The following MINDY3 variants were observed in gnomAD, a reference collection of about 807,000 sequenced individuals.
MINDY3 encodes the protein MINDY lysine 48 deubiquitinase 3, also known as ubiquitin carboxyl-terminal hydrolase MINDY-3.
MINDY3 carries 38 observed loss-of-function variants against 69.2 expected under a neutral mutation model. The ratio of observed to expected loss-of-function variants is 0.55; its 90% confidence interval spans 0.42 to 0.72. The LOEUF (loss-of-function observed/expected upper bound fraction) is 0.72. Among genes scored for constraint, MINDY3 ranks in the 30% least tolerant of loss-of-function variants. The pLI, the probability that MINDY3 is intolerant of heterozygous loss-of-function variation, is 0.00. For synonymous variants in MINDY3, 192 were observed against 180.1 expected (o/e 1.07, Z -0.53); for missense variants, 522 against 519.0 (o/e 1.01, Z -0.06).
At chr10:15,782,365 T>C in intron 13 of MINDY3, 139 bp from the exon 14 acceptor site, 1 of 616,374 alleles carries the variant, frequency 1.6e-6, no homozygotes. Context: ...GGAACTTAGG[T>C]TTATGGAGTT....
intron 5 of MINDY3, chr10:15,837,835 C>T: frequency 2.0e-5 from 19 of 970,282 alleles, no homozygotes; most frequent in Non-Finnish European, 2.1e-5. Context: ...AGTTTAAATG[C>T]TCTAACAAAA....
chr10:15,793,659 ATCTAGTCTTGGT>A (rs1190897851), intron 11 of MINDY3, among the ~76,000 whole-genome samples: 3 of 152,114 alleles, frequency 2.0e-5, no homozygotes, highest in South Asian at 2.1e-4. Flanking sequence ...AACACTTAAA[ATCTAGTCTTGGT>A]TCTCACATTT....
intron 8 of MINDY3, among the ~76,000 whole-genome samples, chr10:15,832,742 T>C (rs1034198514): frequency 2.0e-5 from 3 of 152,222 alleles, no homozygotes; most frequent in African/African-American, 7.2e-5. Context: ...TTCTGAAGTT[T>C]TAATTTTACT....
At chr10:15,816,808 T>C (rs967515853) in intron 10 of MINDY3, 27 bp downstream of exon 10, 1 of 1,514,980 alleles carries the variant, frequency 6.6e-7, no homozygotes, top group Non-Finnish European at 9.1e-7. Flanking sequence ...TGTCATAACT[T>C]AAAAAAAAAT....
intron 2 of MINDY3, among the ~76,000 whole-genome samples, chr10:15,846,974 T>C (rs762388946): frequency 6.6e-6 from 1 of 152,108 alleles, no homozygotes; most frequent in Non-Finnish European, 1.5e-5. Context: ...CCACCCACCT[T>C]GGCCTCCCAA....
At chr10:15,817,412 G>C (rs536527072) in intron 9 of MINDY3, 2 of 152,906 alleles carry the variant, frequency 1.3e-5, no homozygotes, top group South Asian at 2.1e-4. Flanking sequence ...GTATGTAAGT[G>C]TCCTGTTATT....
chr10:15,833,571 C>T (rs1404923230), intron 8 of MINDY3, 59 bp downstream of exon 8: 13 of 1,070,966 alleles, frequency 1.2e-5, no homozygotes, highest in Admixed American at 1.7e-5. Context: ...TAATAATCAG[C>T]TGTATTCCAA....
chr10:15,820,484 G>C (rs1381048796), intron 9 of MINDY3, among the ~76,000 whole-genome samples: 1 of 152,066 alleles, frequency 6.6e-6, no homozygotes, highest in East Asian at 1.9e-4. Context: ...ACTTTCTTTA[G>C]GATCTACGAA....
chr10:15,841,363 T>G, intron 4 of MINDY3, 63 bp downstream of exon 4: 1 of 1,306,634 alleles, frequency 7.7e-7, no homozygotes, highest in East Asian at 2.5e-5. Context: ...TTCAAAATAT[T>G]CAATAGATTC....
Position 15,779,039 on chromosome 10 carries a change from A to G in MINDY3, c.1291T>C (p.Tyr431His), listed in dbSNP as rs1475271330. Residue 431 changes from tyrosine (Y) to histidine (H), a missense_variant, in exon 15 of 15, where the codon TAC becomes CAC. Tyr to His is a moderately conservative substitution (Grantham distance 83, BLOSUM62 2). Transcript: ENST00000277632. Reference protein sequence around the residue: ...IKRCLQTKWPYIELLWTTDRS... With the variant: ...IKRCLQTKWPHIELLWTTDRS... Reference sequence around the variant, plus strand: ...TCTGTGGTCCAGAGTAACTCAATGTATGGCCATTTGGTTTGCAGACAGCGT... The same window carrying G: ...TCTGTGGTCCAGAGTAACTCAATGTGTGGCCATTTGGTTTGCAGACAGCGT... The G allele has an allele frequency of 1.9e-6, 3 of 1,613,482 alleles. No homozygotes were observed. Among genetic ancestry groups the G allele is most frequent in the East Asian group, 2.2e-5 (1 of 44,846 alleles).
In MINDY3 at chr10:15,786,730, T is replaced by A; in HGVS notation, c.1029-82A>T. On this transcript the variant is annotated intron_variant, in intron 12 of 14. Coordinates refer to ENST00000277632, the MANE Select transcript of MINDY3 (RefSeq NM_024948.4). The stretch of plus-strand genomic sequence containing the variant: ...TCTTTCATGATTAAATTACTGGTAC[T>A]ACAACACATTCGGCTGCCAAAAACA... 5.0e-6 allele frequency: 4 copies of A among 805,514 alleles called. No individual in the cohort carries two copies. In the South Asian group the frequency reaches 5.9e-5, roughly 12 times the overall value. The allele number at this position is 805,514 out of a possible 1,614,324, so 49.9% of individuals were successfully genotyped here. A position where few individuals can be genotyped will look rare whatever the true frequency, so the allele number is the denominator to read the frequency against.
intron 1 of MINDY3, among the ~76,000 whole-genome samples, chr10:15,857,049 T>C (rs1215202655): frequency 6.6e-6 from 1 of 152,136 alleles, no homozygotes; most frequent in African/African-American, 2.4e-5. Flanking sequence ...GGACCCCTAT[T>C]TCATGTATAA....
At chr10:15,816,743 G>A (rs1033137696) in intron 10 of MINDY3, 92 bp downstream of exon 10, 10 of 853,922 alleles carry the variant, frequency 1.2e-5, no homozygotes, top group South Asian at 3.0e-5. Flanking sequence ...GGAATAGACT[G>A]AAGTTTGCAC....
Position 15,796,190 on chromosome 10 carries a change from A to G in MINDY3, c.883-18T>C. On this transcript the variant is annotated intron_variant, in intron 10 of 14. Coordinates refer to ENST00000277632, the MANE Select transcript of MINDY3 (RefSeq NM_024948.4). ...GCCATATCCTGAAAAGATAAGAAGCATGTTGTCAACCAGCTACAGTATTAT... is the reference window on the plus strand; with the variant it reads ...GCCATATCCTGAAAAGATAAGAAGCGTGTTGTCAACCAGCTACAGTATTAT... 6.2e-7 allele frequency: 1 copy of G among 1,603,180 alleles called. No homozygotes were observed.
At position 15,779,458 on chromosome 10, in the gene MINDY3, A is replaced by G. The variant is rs551596713; in HGVS notation, c.1189-317T>C. Among the ~76,000 whole-genome samples, 7 of 152,314 alleles carry G rather than the reference A, an allele frequency of 4.6e-5. No individual in the cohort carries two copies. In the South Asian group the frequency reaches 1.5e-3, roughly 32 times the overall value. ...AACGGATCTATACCATCGGAAAGAAATGCTTAATTATCATATTTACATATA... is the reference window on the plus strand; with the variant it reads ...AACGGATCTATACCATCGGAAAGAAGTGCTTAATTATCATATTTACATATA... On this transcript the variant is annotated intron_variant, in intron 14 of 14. Coordinates refer to ENST00000277632, the MANE Select transcript of MINDY3 (RefSeq NM_024948.4).
At position 15,796,181 on chromosome 10, in the gene MINDY3, A is replaced by T. The variant is rs1023180504; in HGVS notation, c.883-9T>A. ...GCAACTAAAGCCATATCCTGAAAAG[A>T]TAAGAAGCATGTTGTCAACCAGCTA... On this transcript the variant is annotated splice_polypyrimidine_tract_variant and intron_variant, in intron 10 of 14. Coordinates refer to ENST00000277632, the MANE Select transcript of MINDY3 (RefSeq NM_024948.4). The T allele has an allele frequency of 6.2e-7, 1 of 1,610,718 alleles. No homozygotes were observed. Among genetic ancestry groups the T allele is most frequent in the Admixed American group, 1.7e-5 (1 of 59,922 alleles).
At chr10:15,783,883 C>T (rs1836744993) in intron 13 of MINDY3, among the ~76,000 whole-genome samples, 1 of 151,966 alleles carries the variant, frequency 6.6e-6, no homozygotes, top group African/African-American at 2.4e-5. Context: ...ATTTATATTC[C>T]CTATTTCCAG....
intron 10 of MINDY3, among the ~76,000 whole-genome samples, chr10:15,816,177 C>T (rs1839343776): frequency 6.9e-6 from 1 of 145,630 alleles, no homozygotes; most frequent in Admixed American, 7.1e-5. Context: ...GGGAGAATCG[C>T]TTGAACCCAG....
At chr10:15,827,793 C>T (rs536886961) in intron 8 of MINDY3, among the ~76,000 whole-genome samples, 5 of 152,172 alleles carry the variant, frequency 3.3e-5, no homozygotes, top group African/African-American at 7.2e-5. Flanking sequence ...CTCACAAACA[C>T]GTGAAGAGAT....
Sources: gnomAD v4.1 joint callset for allele counts (sites outside exome capture counted in the v4.1 genomes callset) on GRCh38, gnomAD v4.1.1 for gene constraint, MANE v1.5 for transcripts, NCBI Gene and HGNC (gene_info 2026-07-23, HGNC 2026-07-21) for gene names.